Variants in CC2D2A observed in about 807,000 individuals in gnomAD.
The protein encoded by CC2D2A is coiled-coil and C2 domain-containing protein 2A.
In CC2D2A, 155 loss-of-function variants were observed where a neutral mutation model predicts 212.9. The ratio of observed to expected loss-of-function variants is 0.73; its 90% CI spans 0.64 to 0.83. The LOEUF (loss-of-function observed/expected upper bound fraction) is 0.83. CC2D2A is among the 40% of genes least tolerant of loss of function. The probability of loss-of-function intolerance (pLI) is 0.00; values close to 1 mark genes in which losing one functional copy is unlikely to be tolerated. For missense variants in CC2D2A, 1,856 were observed against 1,956.2 expected, an observed-to-expected ratio of 0.95 and a Z score of 0.97; for synonymous variants, 667 against 686.5, an observed-to-expected ratio of 0.97 and a Z score of 0.44.
At chr4:15,562,289 G>A (rs560751139) in intron 23 of CC2D2A, among the ~76,000 whole-genome samples, 3 of 152,370 alleles carry the variant, frequency 2.0e-5, no homozygotes, top group African/African-American at 7.2e-5. Context: ...GTGCATTATA[G>A]CCTGTGGCCA....
intron 17 of CC2D2A, among the ~76,000 whole-genome samples, chr4:15,548,283 G>T (rs1002623918): frequency 2.6e-4 from 40 of 152,102 alleles, no homozygotes; most frequent in African/African-American, 8.4e-4. Context: ...CCCCCATTCA[G>T]TTCCTCTCTA....
At chr4:15,551,806 A>T (rs1349014474) in intron 18 of CC2D2A, among the ~76,000 whole-genome samples, 1 of 151,982 alleles carries the variant, frequency 6.6e-6, no homozygotes, top group African/African-American at 2.4e-5. Context: ...CCTCTTGTTT[A>T]TGGTGTCTTG....
At chr4:15,472,647 GTT>G (rs35304734) in intron 1 of CC2D2A, among the ~76,000 whole-genome samples, 219 of 138,828 alleles carry the variant, frequency 1.6e-3, no homozygotes, top group East Asian at 9.7e-3. Context: ...TGTTTCACAG[GTT>G]TTTTTTTTTT....
chr4:15,567,277 G>T, intron 24 of CC2D2A, 100 bp from the exon 25 acceptor site: 1 of 881,664 alleles, frequency 1.1e-6, no homozygotes, highest in South Asian at 1.6e-5. Flanking sequence ...CAGCTTGGGC[G>T]ACAGAGTGAG....
intron 33 of CC2D2A, among the ~76,000 whole-genome samples, chr4:15,591,305 C>T (rs111445915): frequency 2.0e-5 from 3 of 151,270 alleles, no homozygotes; most frequent in East Asian, 2.0e-4. Flanking sequence ...ACGCAACCTC[C>T]GTCTCTCGGG....
At chr4:15,471,293 G>C (rs1245173678) in intron 1 of CC2D2A, among the ~76,000 whole-genome samples, 1 of 152,128 alleles carries the variant, frequency 6.6e-6, no homozygotes, top group Non-Finnish European at 1.5e-5. Context: ...ACCATAAATG[G>C]AAACAGCAAG....
chr4:15,523,910 A>G (rs1717350629), intron 11 of CC2D2A, among the ~76,000 whole-genome samples: 1 of 152,188 alleles, frequency 6.6e-6, no homozygotes, highest in Non-Finnish European at 1.5e-5. Flanking sequence ...AATAAACTCT[A>G]GTCAGTGGCA....
intron 17 of CC2D2A, among the ~76,000 whole-genome samples, chr4:15,550,495 G>C (rs16892143): frequency 6.6e-6 from 1 of 152,044 alleles, no homozygotes; most frequent in African/African-American, 2.4e-5. Context: ...TACAACCTGA[G>C]CCTGGAAAAG....
intron 32 of CC2D2A, 98 bp from the exon 33 acceptor site, chr4:15,589,447 A>T: frequency 9.9e-7 from 1 of 1,010,140 alleles, no homozygotes; most frequent in Non-Finnish European, 1.4e-6. Flanking sequence ...TTCAGAAATT[A>T]AGGGTCCAAG....
intron 31 of CC2D2A, among the ~76,000 whole-genome samples, chr4:15,587,193 G>A (rs961206436): frequency 3.3e-5 from 5 of 152,204 alleles, no homozygotes; most frequent in African/African-American, 9.7e-5. Flanking sequence ...TTCCTTGCAT[G>A]TGCAATTCAT....
At chr4:15,514,672 A>T in intron 8 of CC2D2A, 35 bp from the exon 9 acceptor site, 1 of 1,444,162 alleles carries the variant, frequency 6.9e-7, no homozygotes. Context: ...GAATCTTAGC[A>T]TGATTTTTTC....
At chr4:15,547,769 G>A (rs1489113689) in intron 17 of CC2D2A, among the ~76,000 whole-genome samples, 4 of 152,128 alleles carry the variant, frequency 2.6e-5, no homozygotes, top group Non-Finnish European at 5.9e-5. Flanking sequence ...GGCCAGGTAC[G>A]GTGGCTCACC....
chr4:15,490,717 G>T lies in CC2D2A; in HGVS notation c.247+9890G>T, dbSNP rs775553613. ...TCATATTGTCTTATGCCCAATTTCC[G>T]CCTCTAAGGAAAGAAAAAGTAAAAA... is the stretch of plus-strand genomic sequence containing the variant. On this transcript the variant is annotated intron_variant, in intron 4 of 36. Coordinates refer to ENST00000424120, the MANE Select transcript of CC2D2A (RefSeq NM_001378615.1). 7.2e-5 allele frequency among the ~76,000 whole-genome samples: 11 copies of T among 152,090 alleles called. No individual in the cohort carries two copies. The South Asian group carries it at 2.3e-3, about 32-fold the overall frequency.
intron 27 of CC2D2A, 124 bp downstream of exon 27, chr4:15,569,513 C>A: frequency 1.6e-6 from 1 of 624,374 alleles, no homozygotes; most frequent in South Asian, 2.0e-5. Context: ...GGATATCACA[C>A]AAGAAAGAAT....
At chr4:15,552,054 A>C (rs1719032479) in intron 18 of CC2D2A, among the ~76,000 whole-genome samples, 1 of 152,206 alleles carries the variant, frequency 6.6e-6, no homozygotes, top group South Asian at 2.1e-4. Context: ...TTGAAGATCA[A>C]GATAGGATGT....
chr4:15,500,970 C>G (rs1246857666), intron 4 of CC2D2A, among the ~76,000 whole-genome samples: 2 of 152,166 alleles, frequency 1.3e-5, no homozygotes, highest in African/African-American at 4.8e-5. Flanking sequence ...GCACCTGCGA[C>G]TTATCTGGCC....
chr4:15,543,466 T>C (rs1718561202), intron 17 of CC2D2A: 2 of 152,184 alleles, frequency 1.3e-5, no homozygotes, highest in South Asian at 2.1e-4. Context: ...AGCCTGAAAA[T>C]TCACTTTCTG....
chr4:15,599,051 A>G (rs2148495453), intron 35 of CC2D2A, among the ~76,000 whole-genome samples: 1 of 152,256 alleles, frequency 6.6e-6, no homozygotes, highest in East Asian at 1.9e-4. Flanking sequence ...GGTCCCAGCT[A>G]CCAAAGAGGC....
chr4:15,536,963 G>T lies in CC2D2A; in HGVS notation c.1651G>T (p.Glu551Ter), dbSNP rs756583141. 1.2e-6 allele frequency: 2 copies of T among 1,613,914 alleles called. No homozygotes were observed. Among genetic ancestry groups the T allele is most frequent in the Non-Finnish European group, 1.7e-6 (2 of 1,179,804 alleles). Reference sequence around the variant, plus strand: ...AGCAGATGAAGAAGCATATGAAGCAGAAATTCAAGCTGAAATAAGTGAACT... The same window carrying T: ...AGCAGATGAAGAAGCATATGAAGCATAAATTCAAGCTGAAATAAGTGAACT... ...QKADEEAYEA[E>*]IQAEISELLE... Residue 551 changes from glutamate (E) to a stop codon, truncating the protein, a stop_gained, in exon 15 of 37, where the codon GAA becomes TAA. Transcript: ENST00000424120. LOFTEE classifies it high-confidence loss of function.
Sources: allele counts gnomAD v4.1 joint callset (sites outside exome capture counted in the v4.1 genomes callset), GRCh38; gene constraint gnomAD v4.1.1; transcripts MANE v1.5; gene names NCBI Gene and HGNC (gene_info 2026-07-23, HGNC 2026-07-21).